The following ZNF503 variants were observed in gnomAD, a reference collection of about 807,000 sequenced individuals.
ZNF503 encodes zinc finger protein 503.
Under a neutral mutation model 34.4 loss-of-function variants are expected in ZNF503, and 15 were observed. That is an observed-to-expected ratio of 0.44 (90% CI 0.29 to 0.67). The LOEUF is 0.67. Ranked by LOEUF, ZNF503 falls within the 30% of genes least tolerant of loss-of-function variation. The pLI is 0.13. For synonymous variants in ZNF503, 580 were observed against 456.8 expected, an observed-to-expected ratio of 1.27 and a Z score of -3.44; for missense variants, 1,007 against 926.8, an observed-to-expected ratio of 1.09 and a Z score of -1.12.
At chr10:75,286,560 T>C in the ZNF503 span, among the ~76,000 whole-genome samples, 1 of 152,158 alleles carries the variant, frequency 6.6e-6, no homozygotes, top group Non-Finnish European at 1.5e-5. Flanking sequence ...TTGCTTAGCT[T>C]TTCTGTGTCT....
the ZNF503 span, among the ~76,000 whole-genome samples, chr10:75,371,423 G>T: frequency 3.4e-4 from 52 of 152,248 alleles, no homozygotes; most frequent in Admixed American, 1.1e-3. Context: ...GAGCTGACTG[G>T]ATCCCTCTCT....
At chr10:75,336,038 A>G in the ZNF503 span, among the ~76,000 whole-genome samples, 2 of 152,224 alleles carry the variant, frequency 1.3e-5, no homozygotes, top group Non-Finnish European at 2.9e-5. Flanking sequence ...GTTTCCAATC[A>G]TAAGACTGGA....
chr10:75,329,438 T>TTCCTTCCTTCCTTC, the ZNF503 span, among the ~76,000 whole-genome samples: 2 of 89,602 alleles, frequency 2.2e-5, no homozygotes, highest in African/African-American at 8.2e-5. Context: ...TTCCTTCCTT[T>TTCCTTCCTTCCTTC]CTTTCTTTCT....
At chr10:75,396,461 G>A (rs953656958), downstream of ZNF503, among the ~76,000 whole-genome samples, 7 of 152,144 alleles carry the variant, frequency 4.6e-5, no homozygotes, top group Admixed American at 3.9e-4. The surrounding 1 kb of genome is among the most constrained non-coding windows in gnomAD (Gnocchi z 4.4). Flanking sequence ...CGTGCAACCC[G>A]GGTAAAGGCC....
chr10:75,336,253 TG>T, the ZNF503 span, among the ~76,000 whole-genome samples: 1 of 152,202 alleles, frequency 6.6e-6, no homozygotes, highest in East Asian at 1.9e-4. Flanking sequence ...CTGCTTTTCC[TG>T]TGCTTCTACT....
At chr10:75,312,735 A>G in the ZNF503 span, among the ~76,000 whole-genome samples, 12 of 152,320 alleles carry the variant, frequency 7.9e-5, 1 homozygote, top group Admixed American at 5.9e-4. Context: ...TTGAAAGTAG[A>G]CAGATTAAAA....
the ZNF503 span, among the ~76,000 whole-genome samples, chr10:75,379,899 AG>A: frequency 6.6e-6 from 1 of 152,298 alleles, no homozygotes; most frequent in South Asian, 2.1e-4. Context: ...CAAGGTGGGC[AG>A]GGGGTCCTCA....
At chr10:75,386,930 C>A in the ZNF503 span, among the ~76,000 whole-genome samples, 39 of 152,348 alleles carry the variant, frequency 2.6e-4, no homozygotes, top group South Asian at 2.9e-3. Context: ...CTTAAGGCAA[C>A]AGTTGTCTCC....
the ZNF503 span, among the ~76,000 whole-genome samples, chr10:75,376,501 A>G: frequency 3.9e-5 from 6 of 152,162 alleles, no homozygotes; most frequent in African/African-American, 1.4e-4. Context: ...AAAATTAGCC[A>G]GGTGTGGTGG....
downstream of ZNF503, among the ~76,000 whole-genome samples, chr10:75,395,181 G>A (rs147919990): frequency 4.5e-3 from 681 of 152,344 alleles, 2 homozygotes; most frequent in South Asian, 8.1e-3. This position sits in a 1 kb window ranked among gnomAD's most constrained non-coding sequence, Gnocchi z 4.4. Context: ...ACAAGGTGAC[G>A]TATCAGAGCC....
At position 75,401,578 on chromosome 10, in the gene ZNF503, C is replaced by T. The variant is rs1843825439; in HGVS notation, c.-159G>A. 2 of 835,012 alleles carry T rather than the reference C, an allele frequency of 2.4e-6. No individual in the cohort carries two copies. Among genetic ancestry groups the T allele is most frequent in the Non-Finnish European group, 1.8e-6 (1 of 540,624 alleles). The allele number at this position is 835,012 out of a possible 1,614,324, so 51.7% of individuals were successfully genotyped here. ...AGCGCGCCTTCTCGGCGCCTGGAGCCAGACGCGAGTAATCCTGGGTGGCCC... is the reference window on the plus strand; with the variant it reads ...AGCGCGCCTTCTCGGCGCCTGGAGCTAGACGCGAGTAATCCTGGGTGGCCC... On this transcript the variant is annotated 5_prime_UTR_variant, in exon 1 of 2. Transcript: ENST00000372524.
the ZNF503 span, among the ~76,000 whole-genome samples, chr10:75,294,443 T>C: frequency 6.6e-6 from 1 of 152,210 alleles, no homozygotes; most frequent in African/African-American, 2.4e-5. Flanking sequence ...TCGATCCTAG[T>C]TCCACATGAG....
chr10:75,295,994 C>T, the ZNF503 span, among the ~76,000 whole-genome samples: 5 of 152,150 alleles, frequency 3.3e-5, no homozygotes, highest in Non-Finnish European at 7.4e-5. The surrounding 1 kb of genome is among the most constrained non-coding windows in gnomAD (Gnocchi z 4.0). Context: ...ACAGTCACCC[C>T]GAGCAATACG....
chr10:75,304,144 C>A, the ZNF503 span, among the ~76,000 whole-genome samples: 1 of 152,144 alleles, frequency 6.6e-6, no homozygotes, highest in African/African-American at 2.4e-5. Context: ...GCCAAAGCAA[C>A]CTGACTAAAT....
At chr10:75,324,048 A>T in the ZNF503 span, among the ~76,000 whole-genome samples, 18 of 99,672 alleles carry the variant, frequency 1.8e-4, no homozygotes, top group Admixed American at 1.2e-3. Flanking sequence ...AATTTTGAGC[A>T]TTTTTTATAC....
chr10:75,381,320 A>T, the ZNF503 span, among the ~76,000 whole-genome samples: 1 of 152,134 alleles, frequency 6.6e-6, no homozygotes, highest in Admixed American at 6.5e-5. Flanking sequence ...ACCTCCCAGG[A>T]TTAAGCAATC....
chr10:75,303,377 GT>G, the ZNF503 span, among the ~76,000 whole-genome samples: 1 of 152,344 alleles, frequency 6.6e-6, no homozygotes, highest in South Asian at 2.1e-4. Context: ...TTGGAAAGTG[GT>G]TCTGGGCAAC....
the ZNF503 span, among the ~76,000 whole-genome samples, chr10:75,353,014 G>T: frequency 1.3e-5 from 2 of 152,058 alleles, no homozygotes; most frequent in African/African-American, 4.8e-5. Flanking sequence ...TGTGTCCCGA[G>T]GGGGGGCACC....
intron 1 of ZNF503, 94 bp downstream of exon 1, chr10:75,401,010 AC>A (rs753231904): frequency 1.2e-5 from 19 of 1,545,280 alleles, no homozygotes; most frequent in South Asian, 3.5e-5. Context: ...AATCACTCCG[AC>A]CCCCCCACCT....
Sources: gnomAD v4.1 joint callset for allele counts (sites outside exome capture counted in the v4.1 genomes callset) on GRCh38, gnomAD v4.1.1 for gene constraint, Gnocchi (gnomAD v3.1) non-coding constraint, MANE v1.5 for transcripts, NCBI Gene and HGNC (gene_info 2026-07-23, HGNC 2026-07-21) for gene names.